Variants in AVEN observed in about 807,000 individuals in gnomAD.
The protein encoded by AVEN is cell death regulator Aven.
AVEN carries 41 observed loss-of-function variants against 38.1 expected under a neutral mutation model. The observed-to-expected ratio is 1.08, with a 90% CI of 0.84 to 1.40. AVEN has a LOEUF of 1.40. AVEN is among the 40% of genes most tolerant of loss of function. The probability of loss-of-function intolerance (pLI) is 0.00; values close to 1 mark genes in which losing one functional copy is unlikely to be tolerated. For synonymous variants in AVEN, 206 were observed against 171.8 expected, an observed-to-expected ratio of 1.20 and a Z score of -1.56; for missense variants, 605 against 438.8, an observed-to-expected ratio of 1.38 and a Z score of -3.38.
intron 1 of AVEN, among the ~76,000 whole-genome samples, chr15:34,016,004 C>T (rs954880795): frequency 3.3e-5 from 5 of 152,178 alleles, no homozygotes; most frequent in Admixed American, 2.6e-4. Flanking sequence ...CGGCTGGGCG[C>T]GGTGGCTCAT....
At chr15:33,933,483 T>C (rs1167102532) in intron 2 of AVEN, among the ~76,000 whole-genome samples, 2 of 98,750 alleles carry the variant, frequency 2.0e-5, no homozygotes, top group African/African-American at 9.5e-5. Context: ...AGGCCTGGCC[T>C]CCAACAATCA....
chr15:33,936,467 A>G (rs915070502), intron 2 of AVEN, among the ~76,000 whole-genome samples: 1 of 152,252 alleles, frequency 6.6e-6, no homozygotes, highest in African/African-American at 2.4e-5. Flanking sequence ...ATAACAACAT[A>G]TTATTCTACA....
At chr15:34,043,954 C>T (rs797003716), upstream of AVEN, among the ~76,000 whole-genome samples, 1 of 152,264 alleles carries the variant, frequency 6.6e-6, no homozygotes, top group East Asian at 1.9e-4. Context: ...TATTACTGCA[C>T]TAGATCTTAT....
Position 33,941,299 on chromosome 15 carries a change from G to GT in AVEN, c.445+61732dup, listed in dbSNP as rs201738492. Among the ~76,000 whole-genome samples, 371 of 148,202 alleles carry GT rather than the reference G, an allele frequency of 2.5e-3. 2 individuals carry two copies. Among genetic ancestry groups the GT allele is most frequent in the South Asian group, 0.019 (90 of 4,672 alleles). On this transcript the variant is annotated intron_variant, in intron 2 of 5. Transcript: ENST00000306730. ...AAATTCACATAGCTAAACTGAAACT[G>GT]TTTTTTTTTTGTTTTGCTTCTGACA... is the stretch of plus-strand genomic sequence containing the variant.
intron 1 of AVEN, among the ~76,000 whole-genome samples, chr15:34,073,137 T>C (rs925357812): frequency 6.6e-6 from 1 of 150,812 alleles, no homozygotes; most frequent in Non-Finnish European, 1.5e-5. Context: ...ACCTCCCGGG[T>C]TCACGCCATT....
downstream of AVEN, chr15:33,866,038 C>CTGTT (rs1338685745): frequency 1.3e-5 from 2 of 153,934 alleles, no homozygotes; most frequent in African/African-American, 2.4e-5. Context: ...TGGAGCTGCT[C>CTGTT]TGTTTAGGTG....
rs71119905 is a variant in AVEN, at chr15:33,943,823, TAAAAAAAAAAA to T, written c.445+59198_445+59208del. Among the ~76,000 whole-genome samples, 8 of 88,878 alleles carry T rather than the reference TAAAAAAAAAAA, an allele frequency of 9.0e-5. 1 individual carries two copies. The East Asian group carries it at 1.1e-3, about 12-fold the overall frequency. The allele number at this position is 88,878 out of a possible 152,430, so 58.3% of individuals were successfully genotyped here. A position where few individuals can be genotyped will look rare whatever the true frequency, so the allele number is the denominator to read the frequency against. ...GGGTGACAGAGCAAGACTCCGTCTT[TAAAAAAAAAAA>T]AAAAAAAAAAAAAAAGTTGTTACCA... On this transcript the variant is annotated intron_variant, in intron 2 of 5. Transcript: ENST00000306730.
intron 1 of AVEN, among the ~76,000 whole-genome samples, chr15:34,033,553 A>G (rs1057109545): frequency 6.6e-6 from 1 of 152,200 alleles, no homozygotes; most frequent in African/African-American, 2.4e-5. Flanking sequence ...TATATTAATC[A>G]ATGTAATCTT....
At chr15:33,911,525 A>G (rs1483894977) in intron 2 of AVEN, among the ~76,000 whole-genome samples, 1 of 152,222 alleles carries the variant, frequency 6.6e-6, no homozygotes, top group Non-Finnish European at 1.5e-5. Context: ...TATACATCTT[A>G]TTTAATACAG....
chr15:33,854,721 C>T (rs713203), downstream of AVEN: 1,327,634 of 1,572,470 alleles, frequency 0.84, 561,891 homozygotes, highest in East Asian at 0.99. Context: ...AATGAGCACA[C>T]TATGAGGCAA....
intron 5 of AVEN, among the ~76,000 whole-genome samples, chr15:34,053,299 CAAAAA>C (rs71454513): frequency 5.8e-5 from 3 of 51,544 alleles, no homozygotes; most frequent in East Asian, 6.2e-4. Flanking sequence ...GACTCCATCT[CAAAAA>C]AAAAAAAAAA....
intron 2 of AVEN, 111 bp from the exon 3 acceptor site, chr15:33,876,106 G>C (rs577649759): frequency 2.1e-6 from 2 of 931,932 alleles, no homozygotes; most frequent in East Asian, 2.6e-5. Context: ...CAAACTCAAA[G>C]GGAGAGGCAA....
At chr15:33,889,229 A>C (rs886471385) in intron 2 of AVEN, among the ~76,000 whole-genome samples, 2 of 152,218 alleles carry the variant, frequency 1.3e-5, no homozygotes, top group African/African-American at 4.8e-5. Flanking sequence ...GCTGTACTAC[A>C]AAGACTTTAA....
chr15:34,009,302 T>A (rs1897531319), intron 1 of AVEN, among the ~76,000 whole-genome samples: 1 of 152,164 alleles, frequency 6.6e-6, no homozygotes, highest in African/African-American at 2.4e-5. Flanking sequence ...AAACAGCAAT[T>A]CAAATCCACA....
chr15:33,954,334 T>C (rs1894872740), intron 2 of AVEN, among the ~76,000 whole-genome samples: 1 of 152,178 alleles, frequency 6.6e-6, no homozygotes, highest in African/African-American at 2.4e-5. Context: ...ATCATGCTAC[T>C]ATAAAGACAC....
At chr15:33,987,182 C>G (rs1012504333) in intron 2 of AVEN, among the ~76,000 whole-genome samples, 1 of 152,188 alleles carries the variant, frequency 6.6e-6, no homozygotes, top group Non-Finnish European at 1.5e-5. Context: ...TGAGGATATT[C>G]TTTCCATCCC....
At position 33,866,748 on chromosome 15, in the gene AVEN, GTTAACACCCTC is replaced by G. The variant is rs1567382590; in HGVS notation, c.974-31_974-21del. On this transcript the variant is annotated intron_variant, in intron 5 of 5. Coordinates refer to ENST00000306730, the MANE Select transcript of AVEN (RefSeq NM_020371.3). ...CACAAACTGGGGGAAAAAAAACAAT[GTTAACACCCTC>G]AGATGAGTCCTAAAATTGAAGGTAT... 1 of 1,551,818 alleles carries G rather than the reference GTTAACACCCTC, an allele frequency of 6.4e-7. No homozygotes were observed. Among genetic ancestry groups the G allele is most frequent in the Non-Finnish European group, 8.9e-7 (1 of 1,123,972 alleles).
In AVEN at chr15:33,917,824, G is replaced by A. The variant is rs573843774; in HGVS notation, c.446-41829C>T. Among the ~76,000 whole-genome samples the A allele has an allele frequency of 2.4e-3, 362 of 152,224 alleles. 1 individual carries two copies. The highest frequency in any genetic ancestry group is 4.1e-3 in the Non-Finnish European group (276 of 68,016). On this transcript the variant is annotated intron_variant, in intron 2 of 5. Coordinates refer to ENST00000306730, the MANE Select transcript of AVEN (RefSeq NM_020371.3). The stretch of plus-strand genomic sequence containing the variant: ...CAGACTCAGGGGTAAGTGTGGGAGG[G>A]GGGTAAGGGATAAGACTACACACTG...
At chr15:33,919,207 G>C (rs1893291994) in intron 2 of AVEN, among the ~76,000 whole-genome samples, 1 of 151,904 alleles carries the variant, frequency 6.6e-6, no homozygotes, top group African/African-American at 2.4e-5. Context: ...AGGTGCTTTT[G>C]TGTTTTTAAG....
Sources: allele counts gnomAD v4.1 joint callset (sites outside exome capture counted in the v4.1 genomes callset), GRCh38; gene constraint gnomAD v4.1.1; transcripts MANE v1.5; gene names NCBI Gene and HGNC (gene_info 2026-07-23, HGNC 2026-07-21).